CAD: variants seen among roughly 807,000 people sequenced by gnomAD.
CAD encodes multifunctional protein CAD.
A neutral mutation model predicts 237.2 loss-of-function variants in CAD; 81 were observed. The observed-to-expected ratio is 0.34, with a 90% CI of 0.29 to 0.41. CAD has a LOEUF of 0.41. CAD is among the 10% of genes least tolerant of loss of function. CAD has a pLI of 1.00. For missense variants in CAD, 2,181 were observed against 2,951.7 expected (o/e 0.74, Z 6.05); for synonymous variants, 1,196 against 1,162.8 (o/e 1.03, Z -0.58).
Position 27,238,186 on chromosome 2 carries a change from A to C in CAD, c.4859A>C (p.Glu1620Ala), listed in dbSNP as rs1676117019. 8 of 1,613,822 alleles carry C rather than the reference A, an allele frequency of 5.0e-6. No individual in the cohort carries two copies. The highest frequency in any genetic ancestry group is 6.8e-6 in the Non-Finnish European group (8 of 1,179,998). The change falls in exon 30 of 44, where the codon GAG becomes GCG. Residue 1620 changes from glutamate to alanine, a missense_variant and splice_region_variant. Glu to Ala is a moderately radical substitution (Grantham distance 107, BLOSUM62 -1). This residue lies in a region of CAD where 478 missense variants were observed against 515.0 expected (regional missense o/e 0.93). Coordinates refer to ENST00000264705, the MANE Select transcript of CAD (RefSeq NM_004341.5). The part of the protein sequence containing the change: ...VHICHVARKE[E>A]ILLIKAAKAR... ...ATATGTCACGTGGCACGGAAGGAGG[A>C]GGTAAGAGTACACCTGAGATCCTGC...
rs756188650 is a variant in CAD at position 27,241,430 on chromosome 2, A to G, written c.5883+34A>G. The G allele has an allele frequency of 5.6e-6, 9 of 1,603,988 alleles. No homozygotes were observed. Among genetic ancestry groups the G allele is most frequent in the Admixed American group, 5.0e-5 (3 of 60,008 alleles). ...CAGGGCCGGGGGTAGGGTCCAGGCCATCGCCTGCCCTTGGGCCGCATCAGC... is the reference window on the plus strand; with the variant it reads ...CAGGGCCGGGGGTAGGGTCCAGGCCGTCGCCTGCCCTTGGGCCGCATCAGC... On this transcript the variant is annotated intron_variant, in intron 38 of 43. Coordinates refer to ENST00000264705, the MANE Select transcript of CAD (RefSeq NM_004341.5). The surrounding 1 kb of genome is among the most constrained non-coding windows in gnomAD (Gnocchi z 4.6).
In CAD at chr2:27,240,266, C is replaced by T. The variant is rs1157805159; in HGVS notation, c.5498C>T (p.Thr1833Ile). The T allele has an allele frequency of 1.9e-6, 3 of 1,612,248 alleles. No individual in the cohort carries two copies. The highest frequency in any genetic ancestry group is 2.5e-6 in the Non-Finnish European group (3 of 1,178,452). The change falls in exon 35 of 44, where the codon ACA becomes ATA. Residue 1833 changes from threonine (T) to isoleucine (I), a missense_variant and splice_region_variant. Physicochemically the swap from Thr to Ile is moderately conservative, Grantham distance 89. Transcript: ENST00000264705. This position sits in a 1 kb window ranked among gnomAD's most constrained non-coding sequence, Gnocchi z 4.6. ...TCTGGGCCAACGTTATCCCTCCAGA[C>T]ACCTGAAAGACCCCGCCGTGGCATC... The part of the protein sequence containing the change: ...SAPATSEMTT[T>I]PERPRRGIPG...
chr2:27,218,958 G>A (rs1222174238), intron 2 of CAD, among the ~76,000 whole-genome samples: 2 of 152,180 alleles, frequency 1.3e-5, no homozygotes, highest in African/African-American at 4.8e-5. Flanking sequence ...AGAATTTCTA[G>A]GTTCATCACA....
rs1230632015 is a variant in CAD, at chr2:27,222,765, T to C, written c.638-101T>C. 6.4e-6 allele frequency: 10 copies of C among 1,573,062 alleles called. No individual in the cohort carries two copies. In the South Asian group the frequency reaches 1.0e-4, roughly 16 times the overall value. On this transcript the variant is annotated intron_variant, in intron 5 of 43. Transcript: ENST00000264705. ...TCAGTAGGAGTTGCAGTGAAGAAGATAGACATTGGGACTTAACACTCTCAT... is the reference window on the plus strand; with the variant it reads ...TCAGTAGGAGTTGCAGTGAAGAAGACAGACATTGGGACTTAACACTCTCAT...
At position 27,239,378 on chromosome 2, in the gene CAD, C is replaced by G; in HGVS notation, c.5301C>G (p.Ser1767=). Residue 1767 remains serine, a synonymous_variant, in exon 33 of 44, where the codon TCC becomes TCG. Coordinates refer to ENST00000264705, the MANE Select transcript of CAD (RefSeq NM_004341.5). The surrounding 1 kb of genome is among the most constrained non-coding windows in gnomAD (Gnocchi z 4.0). ...CAATTCCCAGCCACATGCCCTTCTC[C>G]AAGGCCCACTGGACACCTTTTGAAG... is the stretch of plus-strand genomic sequence containing the variant. ...EWTIPSHMPF[S]KAHWTPFEGQ... The G allele has an allele frequency of 1.2e-6, 2 of 1,614,076 alleles. No individual in the cohort carries two copies. Among genetic ancestry groups the G allele is most frequent in the South Asian group, 2.2e-5 (2 of 91,082 alleles).
rs73921471 is a variant in CAD at position 27,218,150 on chromosome 2, C to G, written c.222+134C>G. On this transcript the variant is annotated intron_variant, in intron 2 of 43. Transcript: ENST00000264705. Reference sequence around the variant, plus strand: ...CCCACTGAAGTAGTAAAGTCAAGGACTAAGATCACTAGTAACTGTAGTTAG... The same window carrying G: ...CCCACTGAAGTAGTAAAGTCAAGGAGTAAGATCACTAGTAACTGTAGTTAG... The G allele has an allele frequency of 0.051, 36,332 of 712,324 alleles. 1,155 individuals are homozygous for G. The highest frequency in any genetic ancestry group is 0.11 in the African/African-American group (5,823 of 54,178). The allele number at this position is 712,324 out of a possible 1,614,324, so 44.1% of individuals were successfully genotyped here.
chr2:27,225,816 G>T lies in CAD; in HGVS notation c.1732G>T (p.Val578Leu), dbSNP rs778021382. 11 of 1,614,042 alleles carry T rather than the reference G, an allele frequency of 6.8e-6. No homozygotes were observed. In the Middle Eastern group the frequency reaches 1.2e-3, roughly 169 times the overall value. ...TAACAGGGAGGAGCTCTCTGCTCTC[G>T]TGGCCCCAGCTTTTGCCCATACCAG... ...ASNREELSAL[V>L]APAFAHTSQV... The change falls in exon 12 of 44, where the codon GTG (valine) becomes TTG (leucine). Residue 578 changes from valine to leucine, a missense_variant. By Grantham distance (32) the Val-to-Leu change is conservative. Transcript: ENST00000264705.
chr2:27,233,613 C>T lies in CAD; in HGVS notation c.3217-13C>T. 3 of 1,614,090 alleles carry T rather than the reference C, an allele frequency of 1.9e-6. No individual in the cohort carries two copies. The highest frequency in any genetic ancestry group is 2.5e-6 in the Non-Finnish European group (3 of 1,180,010). ...AGTGTGAACAACTCAGCTAAGCTCC[C>T]TGCCTCCTGTAGTCTGCTCGCCAAT... On this transcript the variant is annotated splice_polypyrimidine_tract_variant and intron_variant, in intron 20 of 43. Transcript: ENST00000264705. This position sits in a 1 kb window ranked among gnomAD's most constrained non-coding sequence, Gnocchi z 6.3.
At position 27,226,551 on chromosome 2, in the gene CAD, G is replaced by T; in HGVS notation, c.2058G>T (p.Arg686Ser). Residue 686 changes from arginine (R) to serine (S), a missense_variant, in exon 14 of 44, where the codon AGG becomes AGT. By Grantham distance (110) the Arg-to-Ser change is moderately radical. Around this residue, in one of 12 missense-constraint regions of CAD, gnomAD observed 385 missense variants for 535.1 expected, o/e 0.72. Transcript: ENST00000264705. ...EQYYIIEVNA[R>S]LSRSSALASK... is the part of the protein sequence containing the mutation. ...ATTACATCATTGAAGTGAATGCCAG[G>T]CTCTCTCGCAGCTCTGCCCTGGCCA... 1 of 1,614,132 alleles carries T rather than the reference G, an allele frequency of 6.2e-7. No individual in the cohort carries two copies.
chr2:27,221,326 C>T lies in CAD; in HGVS notation c.331C>T (p.His111Tyr). 6.3e-7 allele frequency: 1 copy of T among 1,577,494 alleles called. No individual in the cohort carries two copies. Among genetic ancestry groups the T allele is most frequent in the Non-Finnish European group, 8.6e-7 (1 of 1,162,970 alleles). ...TRTLHEWLQQ[H>Y]GIPGLQGVDT... is the part of the protein sequence containing the mutation. ...CACCCTGCATGAGTGGCTGCAGCAG[C>T]ATGGCATCCCTGGCTTGCAAGGTAT... The change falls in exon 3 of 44, where the codon CAT becomes TAT. Residue 111 changes from histidine to tyrosine, a missense_variant. Coordinates refer to ENST00000264705, the MANE Select transcript of CAD (RefSeq NM_004341.5).
intron 3 of CAD, 146 bp downstream of exon 3, chr2:27,221,493 G>A: frequency 1.3e-6 from 1 of 758,424 alleles, no homozygotes; most frequent in Non-Finnish European, 1.8e-6. Flanking sequence ...AGAAAGAATT[G>A]AACTATCACT....
At chr2:27,220,308 G>A (rs1675092337) in intron 2 of CAD, among the ~76,000 whole-genome samples, 2 of 152,168 alleles carry the variant, frequency 1.3e-5, no homozygotes, top group African/African-American at 4.8e-5. Context: ...TTGGGTGAGT[G>A]GGAGGGGCTT....
chr2:27,221,594 A>T (rs1423949976), intron 3 of CAD, among the ~76,000 whole-genome samples: 1 of 152,124 alleles, frequency 6.6e-6, no homozygotes, highest in African/African-American at 2.4e-5. Context: ...CCACTGGATT[A>T]TTTTGATGCA....
chr2:27,231,619 G>A, intron 16 of CAD, 39 bp downstream of exon 16: 1 of 1,258,718 alleles, frequency 7.9e-7, no homozygotes, highest in Non-Finnish European at 1.2e-6. Context: ...CCCTAAAATA[G>A]ACCCTGCTTC....
intron 16 of CAD, 34 bp downstream of exon 16, chr2:27,231,614 A>T (rs1419635386): frequency 1.5e-6 from 2 of 1,293,528 alleles, no homozygotes; most frequent in South Asian, 2.4e-5. Context: ...AATACCCCTA[A>T]AATAGACCCT....
chr2:27,223,754 C>T lies in CAD; in HGVS notation c.995+6C>T, dbSNP rs373528595. ...AACAGCTTGCCTTTCTTCAGGTGAG[C>T]CTGGTTGACTGGGTCTGTGAAAATT... On this transcript the variant is annotated splice_donor_region_variant and intron_variant, in intron 7 of 43. Transcript: ENST00000264705. 24 of 1,613,406 alleles carry T rather than the reference C, an allele frequency of 1.5e-5. No individual in the cohort carries two copies. The highest frequency in any genetic ancestry group is 7.7e-5 in the South Asian group (7 of 91,066).
Position 27,243,835 on chromosome 2 carries a change from C to G in CAD, c.*317C>G. The G allele has an allele frequency of 3.2e-6, 1 of 311,464 alleles. No homozygotes were observed. The highest frequency in any genetic ancestry group is 4.6e-5 in the Admixed American group (1 of 21,638). The allele number at this position is 311,464 out of a possible 1,614,324, so 19.3% of individuals were successfully genotyped here. On this transcript the variant is annotated 3_prime_UTR_variant, in exon 44 of 44. Transcript: ENST00000264705. ...TTTCTTTTAGAAAATTGAGCAGATT[C>G]CCAAATTATAAGAGCAGCCTCACCA...
At chr2:27,228,909 C>CTTTTTTTTTTTT (rs1236993462) in intron 15 of CAD, among the ~76,000 whole-genome samples, 2 of 133,194 alleles carry the variant, frequency 1.5e-5, no homozygotes, top group Admixed American at 7.6e-5. Context: ...TTTTTCTTTT[C>CTTTTTTTTTTTT]TTTTTTTTTT....
chr2:27,230,208 A>G (rs945698180), intron 15 of CAD, among the ~76,000 whole-genome samples: 2 of 152,214 alleles, frequency 1.3e-5, no homozygotes, highest in African/African-American at 4.8e-5. Context: ...ATTGCAGTCC[A>G]GCGTGGGTGA....
Sources: allele counts gnomAD v4.1 joint callset (sites outside exome capture counted in the v4.1 genomes callset), GRCh38; gene constraint gnomAD v4.1.1; regional missense constraint gnomAD v4.1.1; non-coding constraint Gnocchi (gnomAD v3.1); transcripts MANE v1.5; gene names NCBI Gene and HGNC (gene_info 2026-07-23, HGNC 2026-07-21).